Variants in CRAT observed in about 807,000 individuals in gnomAD.
CRAT encodes carnitine acetylase.
CRAT carries 66 observed loss-of-function variants against 73.7 expected under a neutral mutation model. The ratio of observed to expected loss-of-function variants is 0.90; its 90% CI spans 0.73 to 1.10. The LOEUF (loss-of-function observed/expected upper bound fraction) is 1.10. Ranked by LOEUF, CRAT falls within the 50% of genes least tolerant of loss-of-function variation. The pLI, the probability that CRAT is intolerant of heterozygous loss-of-function variation, is 0.00. For synonymous variants in CRAT, 321 were observed against 343.2 expected, an observed-to-expected ratio of 0.94 and a Z score of 0.71; for missense variants, 745 against 846.9, an observed-to-expected ratio of 0.88 and a Z score of 1.49.
rs1241157755 is a variant in CRAT at position 129,102,667 on chromosome 9, G to A, written c.465-102C>T. The A allele has an allele frequency of 3.0e-6, 4 of 1,350,776 alleles. No individual in the cohort carries two copies. In the African/African-American group the frequency reaches 4.3e-5, roughly 15 times the overall value. The allele number at this position is 1,350,776 out of a possible 1,614,324, so 83.7% of individuals were successfully genotyped here. On this transcript the variant is annotated intron_variant, in intron 4 of 13. Transcript: ENST00000318080. ...AGGTACTGCTGGGGGCTCACACAGT[G>A]TCCCTGCTCCCACTCCCAGATGAGC...
chr9:129,109,347 CCCTG>C (rs1195210527), intron 1 of CRAT: 4 of 1,174,146 alleles, frequency 3.4e-6, no homozygotes, highest in East Asian at 5.8e-5. Context: ...CAGCCAGAAG[CCCTG>C]CCTATTTCCT....
intron 1 of CRAT, among the ~76,000 whole-genome samples, chr9:129,109,807 A>G (rs1365664470): frequency 6.6e-6 from 1 of 152,094 alleles, no homozygotes. Flanking sequence ...GAAGGGACTG[A>G]AATTAGGCTA....
chr9:129,095,596 T>C lies in CRAT; in HGVS notation c.1682A>G (p.Asp561Gly), dbSNP rs375350418. The change falls in exon 14 of 14, where the codon GAC becomes GGC. Residue 561 changes from aspartate to glycine, a missense_variant. Physicochemically the swap from Asp to Gly is moderately conservative, Grantham distance 94. Transcript: ENST00000318080. Reference protein sequence around the residue: ...LSTSQVPAKTDCVMFFGPVVP... With the variant: ...LSTSQVPAKTGCVMFFGPVVP... ...CACGGGCCCGAAGAACATGACACAG[T>C]CTGTCTTGGCAGGGACCTGGGGACG... 6.2e-7 allele frequency: 1 copy of C among 1,612,948 alleles called. No homozygotes were observed. The highest frequency in any genetic ancestry group is 1.7e-5 in the Admixed American group (1 of 60,002).
chr9:129,101,514 C>T (rs1411068885), intron 6 of CRAT, among the ~76,000 whole-genome samples: 1 of 152,260 alleles, frequency 6.6e-6, no homozygotes, highest in African/African-American at 2.4e-5. Context: ...GTTAAGCCCG[C>T]TCCCACCAGC....
At chr9:129,102,646 A>G (rs1474880107) in intron 4 of CRAT, 81 bp from the exon 5 acceptor site, 1 of 1,489,496 alleles carries the variant, frequency 6.7e-7, no homozygotes, top group Admixed American at 1.7e-5. Context: ...CCTGCTAGGT[A>G]CTGCTGGGGG....
rs777456715 is a variant in CRAT at position 129,103,288 on chromosome 9, A to G, written c.411-222T>C. 3.9e-5 allele frequency among the ~76,000 whole-genome samples: 6 copies of G among 152,108 alleles called. No individual in the cohort carries two copies. The highest frequency in any genetic ancestry group is 7.4e-5 in the Non-Finnish European group (5 of 67,998). On this transcript the variant is annotated intron_variant, in intron 3 of 13. Transcript: ENST00000318080. This position sits in a 1 kb window ranked among gnomAD's most constrained non-coding sequence, Gnocchi z 4.6. Reference sequence around the variant, plus strand: ...GAGCATGGTCGGGAGGGCTCGGGGAAGTGCTGGTGGCCAAGGGCCTAGTAG... The same window carrying G: ...GAGCATGGTCGGGAGGGCTCGGGGAGGTGCTGGTGGCCAAGGGCCTAGTAG...
chr9:129,097,944 G>A, intron 11 of CRAT, 69 bp downstream of exon 11: 2 of 1,577,224 alleles, frequency 1.3e-6, no homozygotes, highest in Non-Finnish European at 1.7e-6. Flanking sequence ...CAATTATTGT[G>A]TGTTGACTGA....
At chr9:129,104,755 C>T (rs538974736) in intron 2 of CRAT, among the ~76,000 whole-genome samples, 17 of 151,356 alleles carry the variant, frequency 1.1e-4, no homozygotes, top group Non-Finnish European at 1.6e-4. Flanking sequence ...CAGGCGCCAG[C>T]CACCACACCT....
intron 4 of CRAT, 70 bp from the exon 5 acceptor site, chr9:129,102,635 A>C (rs1847761021): frequency 1.3e-6 from 2 of 1,535,578 alleles, no homozygotes; most frequent in Non-Finnish European, 1.8e-6. Context: ...GTAGACAGGG[A>C]CCTGCTAGGT....
At chr9:129,102,828 A>G (rs1326528348) in intron 4 of CRAT, among the ~76,000 whole-genome samples, 185 bp downstream of exon 4, 1 of 152,114 alleles carries the variant, frequency 6.6e-6, no homozygotes, top group African/African-American at 2.4e-5. Flanking sequence ...GAAGCAGCGA[A>G]TAAAACTCTG....
Position 129,098,104 on chromosome 9 carries a change from C to A in CRAT, c.1373G>T (p.Arg458Leu), listed in dbSNP as rs143682956. Residue 458 changes from arginine to leucine, a missense_variant, in exon 11 of 14, where the codon CGC becomes CTC. Coordinates refer to ENST00000318080, the MANE Select transcript of CRAT (RefSeq NM_000755.5). ...ACATYESASL[R>L]MFHLGRTDTI... The stretch of plus-strand genomic sequence containing the variant: ...GTCGGTGCGGCCCAGGTGAAACATG[C>A]GCAGGGAGGCACTTTCATAGGTGGC... The A allele has an allele frequency of 1.2e-6, 2 of 1,613,988 alleles. No individual in the cohort carries two copies. Among genetic ancestry groups the A allele is most frequent in the East Asian group, 2.2e-5 (1 of 44,880 alleles).
At position 129,100,585 on chromosome 9, in the gene CRAT, C is replaced by A; in HGVS notation, c.910G>T (p.Val304Leu). The change falls in exon 7 of 14, where the codon GTG becomes TTG. Residue 304 changes from valine to leucine, a missense_variant. Physicochemically the swap from Val to Leu is conservative, Grantham distance 32. Coordinates refer to ENST00000318080, the MANE Select transcript of CRAT (RefSeq NM_000755.5). ...RVSEDVYRSHVAGQMLHGGGS... is the reference protein window; with the variant it reads ...RVSEDVYRSHLAGQMLHGGGS... ...CCCCCATGCAGCATCTGGCCTGCCA[C>A]GTGGCTGCGGTACACGTCTTCTGAG... The A allele has an allele frequency of 6.2e-7, 1 of 1,614,028 alleles. No individual in the cohort carries two copies. The highest frequency in any genetic ancestry group is 1.3e-5 in the African/African-American group (1 of 75,062).
At chr9:129,102,920 T>C in intron 4 of CRAT, 93 bp downstream of exon 4, 1 of 1,212,326 alleles carries the variant, frequency 8.2e-7, no homozygotes, top group Non-Finnish European at 1.2e-6. Flanking sequence ...GGGCCCAAGC[T>C]GGCATGCCGG....
chr9:129,100,195 G>A lies in CRAT; in HGVS notation c.985-229C>T. ...TCCTTCAAACTACTCTACCGGTGAG[G>A]TTGACCATCACCCCATTTTACAGGT... is the stretch of plus-strand genomic sequence containing the variant. On this transcript the variant is annotated intron_variant, in intron 7 of 13. Coordinates refer to ENST00000318080, the MANE Select transcript of CRAT (RefSeq NM_000755.5). The A allele has an allele frequency of 5.1e-6, 3 of 583,250 alleles. No individual in the cohort carries two copies. The South Asian group carries it at 6.6e-5, about 13-fold the overall frequency. The allele number at this position is 583,250 out of a possible 1,614,324, so 36.1% of individuals were successfully genotyped here.
rs961021405 is a variant in CRAT, at chr9:129,103,613, C to T, written c.411-547G>A. On this transcript the variant is annotated intron_variant, in intron 3 of 13. Coordinates refer to ENST00000318080, the MANE Select transcript of CRAT (RefSeq NM_000755.5). This position sits in a 1 kb window ranked among gnomAD's most constrained non-coding sequence, Gnocchi z 4.6. ...ACCACCCTCAATGCTTGGGGCCGCCCCTGGATCCCACCATGGGGACCAGTG... is the reference window on the plus strand; with the variant it reads ...ACCACCCTCAATGCTTGGGGCCGCCTCTGGATCCCACCATGGGGACCAGTG... Among the ~76,000 whole-genome samples the T allele has an allele frequency of 6.6e-6, 1 of 152,160 alleles. No individual in the cohort carries two copies. Among genetic ancestry groups the T allele is most frequent in the Admixed American group, 6.5e-5 (1 of 15,280 alleles).
At chr9:129,097,863 A>C (rs1847379315) in intron 11 of CRAT, 150 bp downstream of exon 11, 1 of 1,153,538 alleles carries the variant, frequency 8.7e-7, no homozygotes, top group Non-Finnish European at 1.2e-6. Flanking sequence ...GGAAGCTCAG[A>C]GCTAGATTCA....
intron 2 of CRAT, 50 bp from the exon 3 acceptor site, chr9:129,104,356 C>G (rs753636653): frequency 2.1e-6 from 3 of 1,454,038 alleles, no homozygotes; most frequent in Non-Finnish European, 2.9e-6. Flanking sequence ...GCCCTGGTGC[C>G]CCCTGTTCCC....
At position 129,107,276 on chromosome 9, in the gene CRAT, C is replaced by G. The variant is rs1045795470; in HGVS notation, c.291+538G>C. ...CCCGAACTCCTGACCTTGTGATCTG[C>G]CCGCCTTGGACTCCCAAAGTGCTGG... On this transcript the variant is annotated intron_variant, in intron 2 of 13. Coordinates refer to ENST00000318080, the MANE Select transcript of CRAT (RefSeq NM_000755.5). This position sits in a 1 kb window ranked among gnomAD's most constrained non-coding sequence, Gnocchi z 5.0. 1 of 254,734 alleles carries G rather than the reference C, an allele frequency of 3.9e-6. No homozygotes were observed. Among genetic ancestry groups the G allele is most frequent in the African/African-American group, 2.2e-5 (1 of 44,984 alleles). 15.8% of individuals were successfully genotyped at this position (254,734 alleles called of 1,614,324 possible). A position where few individuals can be genotyped will look rare whatever the true frequency, so the allele number is the denominator to read the frequency against.
At position 129,103,308 on chromosome 9, in the gene CRAT, T is replaced by C. The variant is rs1847806688; in HGVS notation, c.411-242A>G. 6.6e-6 allele frequency among the ~76,000 whole-genome samples: 1 copy of C among 152,146 alleles called. No individual in the cohort carries two copies. Among genetic ancestry groups the C allele is most frequent in the African/African-American group, 2.4e-5 (1 of 41,426 alleles). On this transcript the variant is annotated intron_variant, in intron 3 of 13. Transcript: ENST00000318080. This position sits in a 1 kb window ranked among gnomAD's most constrained non-coding sequence, Gnocchi z 4.6. Reference sequence around the variant, plus strand: ...GGGGAAGTGCTGGTGGCCAAGGGCCTAGTAGGACTTGGGTGCTGGCCCCCT... The same window carrying C: ...GGGGAAGTGCTGGTGGCCAAGGGCCCAGTAGGACTTGGGTGCTGGCCCCCT...
Sources: allele counts gnomAD v4.1 joint callset (sites outside exome capture counted in the v4.1 genomes callset), GRCh38; gene constraint gnomAD v4.1.1; non-coding constraint Gnocchi (gnomAD v3.1); transcripts MANE v1.5; gene names NCBI Gene and HGNC (gene_info 2026-07-23, HGNC 2026-07-21).